CNTNAP5: variants seen among roughly 807,000 people sequenced by gnomAD.
CNTNAP5 encodes contactin-associated protein-like 5.
A neutral mutation model predicts 150.2 loss-of-function variants in CNTNAP5; 72 were observed. That is an observed-to-expected ratio of 0.48 (90% CI 0.40 to 0.58). The LOEUF is 0.58. Ranked by LOEUF, CNTNAP5 falls within the 20% of genes least tolerant of loss-of-function variation. CNTNAP5 has a pLI of 0.00. For synonymous variants in CNTNAP5, 672 were observed against 619.8 expected (o/e 1.08, Z -1.25); for missense variants, 1,636 against 1,626.2 (o/e 1.01, Z -0.10).
intron 6 of CNTNAP5, among the ~76,000 whole-genome samples, chr2:124,452,670 G>T (rs1367668722): frequency 1.3e-5 from 2 of 152,140 alleles, no homozygotes; most frequent in Non-Finnish European, 2.9e-5. Flanking sequence ...ACTGGAGCAG[G>T]TGCCCATATC....
chr2:124,169,865 A>T (rs1684890276), intron 1 of CNTNAP5, among the ~76,000 whole-genome samples: 3 of 152,204 alleles, frequency 2.0e-5, no homozygotes, highest in Admixed American at 2.0e-4. Flanking sequence ...CCAACAATTG[A>T]TCTTATCCTT....
chr2:124,058,428 C>A (rs1001715322), intron 1 of CNTNAP5, among the ~76,000 whole-genome samples: 19 of 152,082 alleles, frequency 1.2e-4, no homozygotes, highest in African/African-American at 4.6e-4. Context: ...ACTTGTTTAT[C>A]CTTCTAAGAA....
chr2:124,561,088 G>A (rs1415162221), intron 10 of CNTNAP5, among the ~76,000 whole-genome samples: 1 of 152,080 alleles, frequency 6.6e-6, no homozygotes, highest in African/African-American at 2.4e-5. Flanking sequence ...TTGCTCATAT[G>A]GAAATCTCTG....
intron 13 of CNTNAP5, among the ~76,000 whole-genome samples, chr2:124,699,988 CT>C (rs986883364): frequency 1.3e-5 from 2 of 152,172 alleles, no homozygotes; most frequent in African/African-American, 4.8e-5. Context: ...AAACCCTGTA[CT>C]TGTTAGCAAC....
intron 1 of CNTNAP5, among the ~76,000 whole-genome samples, chr2:124,202,547 G>A (rs1297853815): frequency 6.6e-6 from 1 of 152,164 alleles, no homozygotes; most frequent in Admixed American, 6.5e-5. Flanking sequence ...TACGAGCATT[G>A]TGGTAGTCCG....
chr2:124,899,404 AC>A (rs1678371768), intron 21 of CNTNAP5, among the ~76,000 whole-genome samples: 1 of 151,276 alleles, frequency 6.6e-6, no homozygotes, highest in African/African-American at 2.5e-5. Flanking sequence ...TTTTTACATC[AC>A]CCTTGGAGGA....
intron 1 of CNTNAP5, among the ~76,000 whole-genome samples, chr2:124,132,936 T>C (rs1420601386): frequency 6.6e-6 from 1 of 152,160 alleles, no homozygotes; most frequent in Non-Finnish European, 1.5e-5. Context: ...TCTAAGCTGC[T>C]TTTGTCATGC....
chr2:124,747,084 T>A, intron 13 of CNTNAP5, 145 bp from the exon 14 acceptor site: 1 of 612,412 alleles, frequency 1.6e-6, no homozygotes, highest in Non-Finnish European at 2.6e-6. Flanking sequence ...GAAGGGGGGA[T>A]GTGAGGGAGG....
At chr2:124,842,493 G>A (rs1202909708) in intron 19 of CNTNAP5, among the ~76,000 whole-genome samples, 1 of 152,184 alleles carries the variant, frequency 6.6e-6, no homozygotes, top group Non-Finnish European at 1.5e-5. Flanking sequence ...ATACAGTAAG[G>A]AAACCTGTCA....
intron 13 of CNTNAP5, among the ~76,000 whole-genome samples, chr2:124,698,566 G>T (rs1371289102): frequency 6.6e-6 from 1 of 152,068 alleles, no homozygotes; most frequent in Non-Finnish European, 1.5e-5. Context: ...ATGCAATCTT[G>T]GTGATGATTG....
chr2:124,496,487 A>T (rs558448751), intron 7 of CNTNAP5, among the ~76,000 whole-genome samples: 1 of 152,130 alleles, frequency 6.6e-6, no homozygotes, highest in African/African-American at 2.4e-5. Flanking sequence ...TGCTAGCTTT[A>T]TTTTTTACTC....
intron 3 of CNTNAP5, among the ~76,000 whole-genome samples, chr2:124,350,282 G>A (rs1279756435): frequency 6.6e-6 from 1 of 152,102 alleles, no homozygotes; most frequent in Non-Finnish European, 1.5e-5. Context: ...AAGTAAATTT[G>A]TTAGAAAGAG....
At chr2:124,116,867 C>T (rs1683442074) in intron 1 of CNTNAP5, among the ~76,000 whole-genome samples, 1 of 152,128 alleles carries the variant, frequency 6.6e-6, no homozygotes, top group Non-Finnish European at 1.5e-5. Flanking sequence ...GTCCTTCATC[C>T]CAATACAGCT....
Position 124,790,082 on chromosome 2 carries a change from A to C in CNTNAP5, c.2933A>C (p.His978Pro). The C allele has an allele frequency of 6.2e-7, 1 of 1,613,932 alleles. No individual in the cohort carries two copies. Among genetic ancestry groups the C allele is most frequent in the East Asian group, 2.2e-5 (1 of 44,838 alleles). Reference protein sequence around the residue: ...CHNGGKCVEKHNGYLCDCTNS... With the variant: ...CHNGGKCVEKPNGYLCDCTNS... ...AACGGGGGCAAGTGTGTGGAGAAGC[A>C]CAATGGCTACCTGTGTGATTGCACC... The change falls in exon 18 of 24, where the codon CAC (histidine) becomes CCC (proline). Residue 978 changes from histidine (H) to proline (P), a missense_variant. Physicochemically the swap from His to Pro is moderately conservative, Grantham distance 77. Transcript: ENST00000682447.
chr2:124,128,280 A>G (rs764306675), intron 1 of CNTNAP5, among the ~76,000 whole-genome samples: 1 of 152,210 alleles, frequency 6.6e-6, no homozygotes, highest in African/African-American at 2.4e-5. Context: ...CCCAAAGAAG[A>G]CATTTATGCA....
chr2:124,781,898 C>T (rs1189920347), intron 17 of CNTNAP5, among the ~76,000 whole-genome samples: 2 of 152,128 alleles, frequency 1.3e-5, no homozygotes, highest in Non-Finnish European at 2.9e-5. Flanking sequence ...GGGTTACTGT[C>T]AGGATGAGGT....
chr2:124,645,576 A>G (rs570827947), intron 12 of CNTNAP5, among the ~76,000 whole-genome samples: 1 of 152,316 alleles, frequency 6.6e-6, no homozygotes, highest in South Asian at 2.1e-4. Context: ...TCTAAACAAT[A>G]AAATATAACC....
intron 3 of CNTNAP5, among the ~76,000 whole-genome samples, chr2:124,415,931 A>G (rs897686456): frequency 2.0e-5 from 3 of 152,214 alleles, no homozygotes; most frequent in Non-Finnish European, 2.9e-5. Context: ...AATAATTTTC[A>G]GGGAAAATGA....
intron 6 of CNTNAP5, among the ~76,000 whole-genome samples, chr2:124,471,088 T>G (rs1204825553): frequency 6.6e-6 from 1 of 152,110 alleles, no homozygotes; most frequent in African/African-American, 2.4e-5. Flanking sequence ...TTTAAAAGAG[T>G]TTCTTCTAAT....
Sources: allele counts gnomAD v4.1 joint callset (sites outside exome capture counted in the v4.1 genomes callset), GRCh38; gene constraint gnomAD v4.1.1; transcripts MANE v1.5; gene names NCBI Gene and HGNC (gene_info 2026-07-23, HGNC 2026-07-21).